Variants in GRM7 observed in about 807,000 individuals in gnomAD.
GRM7 encodes glutamate metabotropic receptor 7.
GRM7 carries 35 observed loss-of-function variants against 84.5 expected under a neutral mutation model. That is an observed-to-expected ratio of 0.41 (90% CI 0.32 to 0.55). GRM7 has a LOEUF of 0.55. Ranked by LOEUF, GRM7 falls within the 20% of genes least tolerant of loss-of-function variation. The pLI, the probability that GRM7 is intolerant of heterozygous loss-of-function variation, is 0.19. For synonymous variants in GRM7, 487 were observed against 455.1 expected (o/e 1.07, Z -0.89); for missense variants, 1,003 against 1,194.6 (o/e 0.84, Z 2.36).
chr3:7,607,161 T>C (rs1437191960), intron 8 of GRM7: 1 of 152,192 alleles, frequency 6.6e-6, no homozygotes, highest in Non-Finnish European at 1.5e-5. Flanking sequence ...CGGACAGGTC[T>C]CAGGGCTGTT....
chr3:7,623,736 A>G (rs1455747958), intron 8 of GRM7, among the ~76,000 whole-genome samples: 1 of 152,186 alleles, frequency 6.6e-6, no homozygotes, highest in Non-Finnish European at 1.5e-5. Context: ...ACTTGCCAGC[A>G]TAATCAGATG....
chr3:6,915,710 A>G (rs191318338), intron 1 of GRM7, among the ~76,000 whole-genome samples: 5 of 152,360 alleles, frequency 3.3e-5, no homozygotes, highest in Admixed American at 2.6e-4. Context: ...ACCAAAAGGC[A>G]TCTAAATTCA....
At chr3:6,960,487 C>T (rs961313560) in intron 1 of GRM7, among the ~76,000 whole-genome samples, 2 of 152,130 alleles carry the variant, frequency 1.3e-5, no homozygotes, top group African/African-American at 2.4e-5. Flanking sequence ...TCCCATCATG[C>T]CTTTATTCCC....
At chr3:7,252,892 A>G (rs1317684214) in intron 2 of GRM7, among the ~76,000 whole-genome samples, 1 of 150,854 alleles carries the variant, frequency 6.6e-6, no homozygotes, top group Non-Finnish European at 1.5e-5. Context: ...GAGTTTCACC[A>G]TGTAGGCCAA....
intron 2 of GRM7, among the ~76,000 whole-genome samples, chr3:7,231,674 C>T (rs1002181198): frequency 2.0e-5 from 3 of 152,234 alleles, no homozygotes; most frequent in African/African-American, 7.2e-5. Context: ...TTAGTTAATT[C>T]TCACAACATC....
chr3:7,496,515 T>G (rs1450100), intron 7 of GRM7, among the ~76,000 whole-genome samples: 92,121 of 151,984 alleles, frequency 0.61, 28,280 homozygotes, highest in East Asian at 0.74. Flanking sequence ...GAAGAGGCAT[T>G]ACATCTAAAA....
intron 5 of GRM7, among the ~76,000 whole-genome samples, chr3:7,422,369 T>C (rs1279697458): frequency 6.6e-6 from 1 of 152,218 alleles, no homozygotes; most frequent in Non-Finnish European, 1.5e-5. Flanking sequence ...TTCTGACTAC[T>C]GAGCATTTGA....
intron 7 of GRM7, among the ~76,000 whole-genome samples, chr3:7,564,545 T>G (rs1694172358): frequency 6.6e-6 from 1 of 152,194 alleles, no homozygotes; most frequent in Non-Finnish European, 1.5e-5. Context: ...CATTAAATAC[T>G]GGCAATGTTC....
At chr3:7,209,955 C>T (rs928225922) in intron 2 of GRM7, among the ~76,000 whole-genome samples, 4 of 152,236 alleles carry the variant, frequency 2.6e-5, no homozygotes, top group Non-Finnish European at 4.4e-5. Context: ...AGTGAAAAGA[C>T]CCAAGCCGTA....
intron 4 of GRM7, among the ~76,000 whole-genome samples, chr3:7,384,338 AT>A (rs1694704086): frequency 6.6e-6 from 1 of 152,152 alleles, no homozygotes; most frequent in South Asian, 2.1e-4. Flanking sequence ...CGAATAATAC[AT>A]TTGTATCAAT....
chr3:7,567,902 C>T (rs1342727993), intron 7 of GRM7, among the ~76,000 whole-genome samples: 1 of 151,810 alleles, frequency 6.6e-6, no homozygotes, highest in African/African-American at 2.4e-5. Context: ...TTTCCAGTTC[C>T]AGTTTGTGTG....
intron 4 of GRM7, among the ~76,000 whole-genome samples, chr3:7,353,767 A>G (rs1290301404): frequency 6.6e-6 from 1 of 152,128 alleles, no homozygotes; most frequent in African/African-American, 2.4e-5. Context: ...ATATGCGATG[A>G]GAAGAATTGG....
At chr3:7,264,813 C>A (rs1345286219) in intron 2 of GRM7, among the ~76,000 whole-genome samples, 1 of 144,168 alleles carries the variant, frequency 6.9e-6, no homozygotes, top group Non-Finnish European at 1.5e-5. Context: ...CCAGTACAGG[C>A]CACAAAGACT....
intron 5 of GRM7, among the ~76,000 whole-genome samples, chr3:7,437,401 GTTAT>G (rs1168190322): frequency 1.3e-5 from 2 of 152,062 alleles, no homozygotes; most frequent in African/African-American, 4.8e-5. Flanking sequence ...TCATAAATCA[GTTAT>G]TTATTGTGCT....
At chr3:7,152,805 G>A (rs1282942197) in intron 2 of GRM7, among the ~76,000 whole-genome samples, 3 of 152,130 alleles carry the variant, frequency 2.0e-5, no homozygotes, top group Non-Finnish European at 2.9e-5. Context: ...AATTGTGTAA[G>A]TTCTGATGAA....
At chr3:7,085,034 G>C (rs1204458375) in intron 1 of GRM7, among the ~76,000 whole-genome samples, 2 of 152,230 alleles carry the variant, frequency 1.3e-5, no homozygotes, top group African/African-American at 4.8e-5. Flanking sequence ...CATATCCTCA[G>C]GTAGTATTCC....
At chr3:7,636,639 T>C (rs1366459886) in intron 8 of GRM7, among the ~76,000 whole-genome samples, 2 of 152,206 alleles carry the variant, frequency 1.3e-5, no homozygotes, top group Non-Finnish European at 2.9e-5. Context: ...GTTCAGATGC[T>C]TTAGAGAATC....
intron 2 of GRM7, among the ~76,000 whole-genome samples, chr3:7,283,359 G>C (rs971953647): frequency 6.6e-6 from 1 of 151,834 alleles, no homozygotes; most frequent in Non-Finnish European, 1.5e-5. Context: ...TGCAAAGCCT[G>C]GCATGCTAAA....
intron 7 of GRM7, among the ~76,000 whole-genome samples, chr3:7,507,367 A>C (rs1378227553): frequency 6.6e-6 from 1 of 152,210 alleles, no homozygotes; most frequent in African/African-American, 2.4e-5. Context: ...AATTGTTTCC[A>C]CATAGAGAAG....
Sources: gnomAD v4.1 joint callset for allele counts (sites outside exome capture counted in the v4.1 genomes callset) on GRCh38, gnomAD v4.1.1 for gene constraint, MANE v1.5 for transcripts, NCBI Gene and HGNC (gene_info 2026-07-23, HGNC 2026-07-21) for gene names.